NEMP2: variants seen among roughly 807,000 people sequenced by gnomAD.
NEMP2 encodes UPF0571 transmembrane protein.
NEMP2 carries 53 observed loss-of-function variants against 54.2 expected under a neutral mutation model. That is an observed-to-expected ratio of 0.98 (90% CI 0.78 to 1.23). The LOEUF is 1.23. Among genes scored for constraint, NEMP2 ranks in the 50% most tolerant of loss-of-function variants. NEMP2 has a pLI of 0.00. For synonymous variants in NEMP2, 197 were observed against 190.3 expected, an observed-to-expected ratio of 1.04 and a Z score of -0.29; for missense variants, 455 against 511.3, an observed-to-expected ratio of 0.89 and a Z score of 1.06.
At chr2:190,446,735 C>T in the NEMP2 span, among the ~76,000 whole-genome samples, 1 of 152,190 alleles carries the variant, frequency 6.6e-6, no homozygotes, top group African/African-American at 2.4e-5. Context: ...TGGGTCTGCT[C>T]AACCCAAAAC....
chr2:190,630,407 G>A, the NEMP2 span, among the ~76,000 whole-genome samples: 10 of 151,936 alleles, frequency 6.6e-5, no homozygotes, highest in Non-Finnish European at 8.8e-5. This position sits in a 1 kb window ranked among gnomAD's most constrained non-coding sequence, Gnocchi z 5.5. Flanking sequence ...TAGTAGAGAC[G>A]GGGTTTCACC....
At chr2:190,638,499 A>G in the NEMP2 span, among the ~76,000 whole-genome samples, 33,053 of 152,032 alleles carry the variant, frequency 0.22, 3,726 homozygotes, top group Non-Finnish European at 0.25. The surrounding 1 kb of genome is among the most constrained non-coding windows in gnomAD (Gnocchi z 5.7). Context: ...CAATGTCAAT[A>G]GTCCTGACGA....
chr2:190,514,486 T>A lies in NEMP2; in HGVS notation c.920A>T (p.His307Leu). 2 of 1,551,540 alleles carry A rather than the reference T, an allele frequency of 1.3e-6. No individual in the cohort carries two copies. The highest frequency in any genetic ancestry group is 1.7e-6 in the Non-Finnish European group (2 of 1,147,004). Residue 307 changes from histidine (H) to leucine (L), a missense_variant, in exon 7 of 9, where the codon CAC becomes CTC. Around this residue, in one of 3 missense-constraint regions of NEMP2, gnomAD observed 294 missense variants for 333.6 expected, o/e 0.88. Transcript: ENST00000409150. This position sits in a 1 kb window ranked among gnomAD's most constrained non-coding sequence, Gnocchi z 5.7. ...ATAACTGCATGCTCTCAGTGGGTAG[T>A]GCAGACTCCAGGAGGACATGAGGAG... ...IILLMSSWSL[H>L]YPLRACSYMR...
chr2:190,462,870 C>CT, the NEMP2 span, among the ~76,000 whole-genome samples: 1 of 152,212 alleles, frequency 6.6e-6, no homozygotes, highest in African/African-American at 2.4e-5. This position sits in a 1 kb window ranked among gnomAD's most constrained non-coding sequence, Gnocchi z 5.7. Flanking sequence ...GTCACTGATT[C>CT]TGTGGCCTTG....
the NEMP2 span, among the ~76,000 whole-genome samples, chr2:190,631,798 G>A: frequency 6.6e-6 from 1 of 152,248 alleles, no homozygotes; most frequent in Non-Finnish European, 1.5e-5. Flanking sequence ...GCTCATGCCT[G>A]TAATCCCAAC....
the NEMP2 span, among the ~76,000 whole-genome samples, chr2:190,486,243 T>A: frequency 6.6e-6 from 1 of 152,254 alleles, no homozygotes; most frequent in Non-Finnish European, 1.5e-5. Context: ...TGGGAAGAAG[T>A]GTTCCCCGCC....
At chr2:190,450,449 CA>C in the NEMP2 span, among the ~76,000 whole-genome samples, 1 of 145,938 alleles carries the variant, frequency 6.9e-6, no homozygotes, top group Non-Finnish European at 1.5e-5. Context: ...AGTCTATAGA[CA>C]AACAGTAACT....
the NEMP2 span, among the ~76,000 whole-genome samples, chr2:190,459,880 C>T: frequency 6.6e-6 from 1 of 152,222 alleles, no homozygotes; most frequent in Non-Finnish European, 1.5e-5. This position sits in a 1 kb window ranked among gnomAD's most constrained non-coding sequence, Gnocchi z 5.3. Context: ...AGAAAATATA[C>T]ACAGCTAAAT....
chr2:190,524,411 C>T (rs1690859044), intron 2 of NEMP2, among the ~76,000 whole-genome samples: 1 of 152,028 alleles, frequency 6.6e-6, no homozygotes, highest in African/African-American at 2.4e-5. Flanking sequence ...AGTGGAAGAA[C>T]CTGACAAACA....
chr2:190,534,317 G>T (rs1424763671), intron 1 of NEMP2: 2 of 1,184,716 alleles, frequency 1.7e-6, no homozygotes, highest in Non-Finnish European at 2.1e-6. Context: ...CGACTGGATC[G>T]CGCGGTTGCT....
chr2:190,618,964 T>A, the NEMP2 span, among the ~76,000 whole-genome samples: 1 of 152,252 alleles, frequency 6.6e-6, no homozygotes, highest in Admixed American at 6.5e-5. Context: ...TTTTTTAAAC[T>A]TGTAATTCTT....
At chr2:190,440,930 T>G in the NEMP2 span, among the ~76,000 whole-genome samples, 1 of 152,114 alleles carries the variant, frequency 6.6e-6, no homozygotes, top group Non-Finnish European at 1.5e-5. Context: ...CCAGAACAGA[T>G]AGCAAGATGC....
the NEMP2 span, among the ~76,000 whole-genome samples, chr2:190,444,623 C>T: frequency 6.4e-4 from 98 of 152,216 alleles, no homozygotes; most frequent in Admixed American, 1.4e-3. Context: ...TTGTGTTTTT[C>T]ATTTATTATA....
Position 190,514,463 on chromosome 2 carries a change from A to G in NEMP2, c.943T>C (p.Tyr315His). Reference sequence around the variant, plus strand: ...AAAAATGATACATACCACCTCATATAACTGCATGCTCTCAGTGGGTAGTGC... The same window carrying G: ...AAAAATGATACATACCACCTCATATGACTGCATGCTCTCAGTGGGTAGTGC... ...SLHYPLRACS[Y>H]MRWKMEQWFT... is the part of the protein sequence containing the mutation. Residue 315 changes from tyrosine to histidine, a missense_variant, in exon 7 of 9, where the codon TAT (tyrosine) becomes CAT (histidine). By Grantham distance (83) the Tyr-to-His change is moderately conservative. Coordinates refer to ENST00000409150, the MANE Select transcript of NEMP2 (RefSeq NM_001142645.2). The surrounding 1 kb of genome is among the most constrained non-coding windows in gnomAD (Gnocchi z 5.7). The G allele has an allele frequency of 1.3e-6, 2 of 1,551,162 alleles. No homozygotes were observed. Among genetic ancestry groups the G allele is most frequent in the Non-Finnish European group, 1.7e-6 (2 of 1,146,940 alleles).
chr2:190,437,661 G>T, the NEMP2 span: 13 of 1,377,822 alleles, frequency 9.4e-6, no homozygotes, highest in Admixed American at 1.7e-4. The surrounding 1 kb of genome is among the most constrained non-coding windows in gnomAD (Gnocchi z 5.9). Context: ...TATAATTTGT[G>T]TTGAGGATAG....
rs1690839775 is a variant in NEMP2 at position 190,523,930 on chromosome 2, C to T, written c.213+1333G>A. 6.6e-6 allele frequency among the ~76,000 whole-genome samples: 1 copy of T among 151,916 alleles called. No homozygotes were observed. The highest frequency in any genetic ancestry group is 2.1e-4 in the South Asian group (1 of 4,830). On this transcript the variant is annotated intron_variant, in intron 2 of 8. Transcript: ENST00000409150. This position sits in a 1 kb window ranked among gnomAD's most constrained non-coding sequence, Gnocchi z 5.3. ...GTAAATGGAATAATGGTGCCAGGCGCAGTGGCTTGCGCCTGTAATCCCAGC... is the reference window on the plus strand; with the variant it reads ...GTAAATGGAATAATGGTGCCAGGCGTAGTGGCTTGCGCCTGTAATCCCAGC...
At chr2:190,592,522 A>G in the NEMP2 span, among the ~76,000 whole-genome samples, 3 of 152,214 alleles carry the variant, frequency 2.0e-5, no homozygotes, top group Non-Finnish European at 4.4e-5. This position sits in a 1 kb window ranked among gnomAD's most constrained non-coding sequence, Gnocchi z 4.4. Flanking sequence ...TAATAACAAC[A>G]ACACTTTTTG....
At chr2:190,459,982 T>A in the NEMP2 span, among the ~76,000 whole-genome samples, 1 of 152,264 alleles carries the variant, frequency 6.6e-6, no homozygotes, top group Non-Finnish European at 1.5e-5. This position sits in a 1 kb window ranked among gnomAD's most constrained non-coding sequence, Gnocchi z 5.3. Flanking sequence ...TGCTGGCTGA[T>A]AGAAGCTTGG....
rs1421905058 is a variant in NEMP2 at position 190,529,076 on chromosome 2, C to T, written c.98-3698G>A. Among the ~76,000 whole-genome samples the T allele has an allele frequency of 6.6e-6, 1 of 152,140 alleles. No individual in the cohort carries two copies. The highest frequency in any genetic ancestry group is 1.5e-5 in the Non-Finnish European group (1 of 68,020). ...CATGAATTGGGCCCGGGTACAATGG[C>T]TCATGCCTGTAATTTCGCTTGAACC... is the stretch of plus-strand genomic sequence containing the variant. On this transcript the variant is annotated intron_variant, in intron 1 of 8. Coordinates refer to ENST00000409150, the MANE Select transcript of NEMP2 (RefSeq NM_001142645.2). The surrounding 1 kb of genome is among the most constrained non-coding windows in gnomAD (Gnocchi z 4.7).
Sources: gnomAD v4.1 joint callset for allele counts (sites outside exome capture counted in the v4.1 genomes callset) on GRCh38, gnomAD v4.1.1 for gene constraint, gnomAD v4.1.1 regional missense constraint, Gnocchi (gnomAD v3.1) non-coding constraint, MANE v1.5 for transcripts, NCBI Gene and HGNC (gene_info 2026-07-23, HGNC 2026-07-21) for gene names.